NPL: variants seen among roughly 807,000 people sequenced by gnomAD.
The protein encoded by NPL is N-acetylneuraminate lyase.
A neutral mutation model predicts 41.1 loss-of-function variants in NPL; 32 were observed. The ratio of observed to expected loss-of-function variants is 0.78; its 90% confidence interval spans 0.59 to 1.05. The LOEUF (loss-of-function observed/expected upper bound fraction) is 1.05. Ranked by LOEUF, NPL falls within the 50% of genes least tolerant of loss-of-function variation. The probability of loss-of-function intolerance (pLI) is 0.00; values close to 1 mark genes in which losing one functional copy is unlikely to be tolerated. For synonymous variants in NPL, 128 were observed against 134.9 expected, an observed-to-expected ratio of 0.95 and a Z score of 0.35; for missense variants, 321 against 378.4, an observed-to-expected ratio of 0.85 and a Z score of 1.26.
At position 182,818,145 on chromosome 1, in the gene NPL, T is replaced by G. The variant is rs1667387259; in HGVS notation, c.458-396T>G. Among the ~76,000 whole-genome samples the G allele has an allele frequency of 3.9e-5, 6 of 152,200 alleles. No individual in the cohort carries two copies. In the South Asian group the frequency reaches 1.2e-3, roughly 31 times the overall value. On this transcript the variant is annotated intron_variant, in intron 8 of 12. Coordinates refer to ENST00000367553, the MANE Select transcript of NPL (RefSeq NM_030769.3). Reference sequence around the variant, plus strand: ...GAAGATTCCAAGGGATTTAGGAGATTTGTGTCAGATGCTTCTATCTCTCAG... The same window carrying G: ...GAAGATTCCAAGGGATTTAGGAGATGTGTGTCAGATGCTTCTATCTCTCAG...
At chr1:182,804,222 G>A (rs1156694541) in intron 4 of NPL, among the ~76,000 whole-genome samples, 2 of 152,100 alleles carry the variant, frequency 1.3e-5, no homozygotes, top group African/African-American at 4.8e-5. Flanking sequence ...TCTACCTCCC[G>A]GGTTCAAGCA....
intron 4 of NPL, among the ~76,000 whole-genome samples, chr1:182,805,939 T>A (rs1476558456): frequency 6.6e-6 from 1 of 152,240 alleles, no homozygotes; most frequent in East Asian, 1.9e-4. Flanking sequence ...GTCAGATTTA[T>A]AATTACAAGT....
chr1:182,812,931 G>T (rs1667217427), intron 6 of NPL, among the ~76,000 whole-genome samples: 1 of 152,050 alleles, frequency 6.6e-6, no homozygotes, highest in East Asian at 1.9e-4. Flanking sequence ...GAGGCAGGCA[G>T]ATCACGAGGT....
intron 2 of NPL, 61 bp from the exon 3 acceptor site, chr1:182,794,295 T>C: frequency 7.2e-7 from 1 of 1,386,554 alleles, no homozygotes; most frequent in South Asian, 1.2e-5. Context: ...GGACTTTGCC[T>C]GGGAGTTTTA....
At chr1:182,811,893 C>T (rs1161022179) in intron 5 of NPL, among the ~76,000 whole-genome samples, 1 of 152,156 alleles carries the variant, frequency 6.6e-6, no homozygotes, top group Non-Finnish European at 1.5e-5. Flanking sequence ...TGAATATTCT[C>T]TGCTGTGAAA....
At chr1:182,821,078 T>A (rs1667474949) in intron 10 of NPL, among the ~76,000 whole-genome samples, 1 of 152,214 alleles carries the variant, frequency 6.6e-6, no homozygotes, top group African/African-American at 2.4e-5. Context: ...ATGTTAGTAT[T>A]CTGAAACTCC....
intron 2 of NPL, among the ~76,000 whole-genome samples, chr1:182,793,341 G>A (rs1666568815): frequency 6.6e-6 from 1 of 152,130 alleles, no homozygotes. Context: ...TTATGGGCAG[G>A]TACACTCTCT....
intron 3 of NPL, among the ~76,000 whole-genome samples, chr1:182,795,141 A>G (rs1034059463): frequency 3.3e-5 from 5 of 151,984 alleles, no homozygotes; most frequent in African/African-American, 9.7e-5. Context: ...ACTGTGTATA[A>G]CTCCTCCTTG....
In NPL at chr1:182,829,616, C is replaced by A. The variant is rs1667715813; in HGVS notation, c.*708C>A. The stretch of plus-strand genomic sequence containing the variant: ...TTTTCTATACAGAAAACTCAAAACT[C>A]AAAGTTTCAAAGAACCAAAGGACTC... On this transcript the variant is annotated 3_prime_UTR_variant, in exon 13 of 13. Transcript: ENST00000367553. 3 of 1,550,434 alleles carry A rather than the reference C, an allele frequency of 1.9e-6. No homozygotes were observed. Among genetic ancestry groups the A allele is most frequent in the Non-Finnish European group, 2.6e-6 (3 of 1,146,606 alleles).
chr1:182,807,116 G>A (rs1571437023), intron 5 of NPL, among the ~76,000 whole-genome samples: 2 of 152,290 alleles, frequency 1.3e-5, no homozygotes, highest in African/African-American at 2.4e-5. Flanking sequence ...GGGATTACAG[G>A]TGTAAGCCAC....
chr1:182,814,664 C>G (rs1667272112), intron 6 of NPL, 119 bp from the exon 7 acceptor site: 1 of 856,220 alleles, frequency 1.2e-6, no homozygotes, highest in South Asian at 1.5e-5. Context: ...AATTTTCCCA[C>G]TTTCCAGTGG....
rs1427965855 is a variant in NPL, at chr1:182,829,259, T to C, written c.*351T>C. On this transcript the variant is annotated 3_prime_UTR_variant, in exon 13 of 13. Coordinates refer to ENST00000367553, the MANE Select transcript of NPL (RefSeq NM_030769.3). ...GGTTCCTAATCCTATTTTAAAGTTGTCTAATTTTAAACCACTATAATATGT... is the reference window on the plus strand; with the variant it reads ...GGTTCCTAATCCTATTTTAAAGTTGCCTAATTTTAAACCACTATAATATGT... 1 of 1,188,522 alleles carries C rather than the reference T, an allele frequency of 8.4e-7. No homozygotes were observed. Among genetic ancestry groups the C allele is most frequent in the Non-Finnish European group, 1.0e-6 (1 of 955,892 alleles). The allele number at this position is 1,188,522 out of a possible 1,614,324, so 73.6% of individuals were successfully genotyped here.
intron 7 of NPL, among the ~76,000 whole-genome samples, chr1:182,815,965 G>A (rs1667317386): frequency 6.6e-6 from 1 of 152,114 alleles, no homozygotes; most frequent in African/African-American, 2.4e-5. Context: ...TTCCTAAAAG[G>A]AAAAATAATG....
chr1:182,812,918 G>A (rs1291084874), intron 6 of NPL, among the ~76,000 whole-genome samples: 1 of 152,026 alleles, frequency 6.6e-6, no homozygotes, highest in East Asian at 1.9e-4. Context: ...ACTTTGGGAG[G>A]CCGAGGCAGG....
rs1667403344 is a variant in NPL at position 182,818,653 on chromosome 1, C to A, written c.570C>A (p.Arg190=). 6.2e-7 allele frequency: 1 copy of A among 1,614,066 alleles called. No individual in the cohort carries two copies. Among genetic ancestry groups the A allele is most frequent in the Non-Finnish European group, 8.5e-7 (1 of 1,180,038 alleles). ...TCGGGCAATGTGTTGATCAGAATCG[C>A]CAGCAACAGTTTGCTTTCCTTTTTG... The part of the protein sequence containing the change: ...LDFGQCVDQN[R]QQQFAFLFGV... The change falls in exon 9 of 13, where the codon CGC becomes CGA. Residue 190 remains arginine (R), a synonymous_variant. Transcript: ENST00000367553.
At position 182,818,619 on chromosome 1, in the gene NPL, T is replaced by G; in HGVS notation, c.536T>G (p.Leu179Arg). 1 of 1,614,210 alleles carries G rather than the reference T, an allele frequency of 6.2e-7. No homozygotes were observed. Among genetic ancestry groups the G allele is most frequent in the Non-Finnish European group, 8.5e-7 (1 of 1,180,042 alleles). The change falls in exon 9 of 13, where the codon CTC (leucine) becomes CGC (arginine). Residue 179 changes from leucine to arginine, a missense_variant. Physicochemically the swap from Leu to Arg is moderately radical, Grantham distance 102 (BLOSUM62 -2). Transcript: ENST00000367553. ...FQGLKFSDTD[L>R]LDFGQCVDQN... ...GGGCTGAAATTCAGTGATACAGATC[T>G]CTTAGACTTCGGGCAATGTGTTGAT...
intron 5 of NPL, among the ~76,000 whole-genome samples, chr1:182,811,420 G>A (rs920784436): frequency 1.7e-4 from 26 of 151,966 alleles, no homozygotes; most frequent in African/African-American, 6.3e-4. Flanking sequence ...GTAGAGACAG[G>A]GTTTTGCCAT....
intron 7 of NPL, 81 bp from the exon 8 acceptor site, chr1:182,816,633 C>T: frequency 1.0e-6 from 1 of 965,726 alleles, no homozygotes. Context: ...GGTTGTGTTT[C>T]ATCAGATGAT....
chr1:182,823,723 G>A (rs1437955593), intron 11 of NPL, among the ~76,000 whole-genome samples: 1 of 152,188 alleles, frequency 6.6e-6, no homozygotes, highest in African/African-American at 2.4e-5. Context: ...GACTGAAGCA[G>A]CTATAATGCT....
Sources: gnomAD v4.1 joint callset for allele counts (sites outside exome capture counted in the v4.1 genomes callset) on GRCh38, gnomAD v4.1.1 for gene constraint, MANE v1.5 for transcripts, NCBI Gene and HGNC (gene_info 2026-07-23, HGNC 2026-07-21) for gene names.